WDR35: variants seen among roughly 807,000 people sequenced by gnomAD.
WDR35 encodes the protein WD repeat domain 35, also known as WD repeat-containing protein 35.
A neutral mutation model predicts 158.3 loss-of-function variants in WDR35; 118 were observed. The observed-to-expected ratio is 0.75, with a 90% CI of 0.64 to 0.87. WDR35 has a LOEUF of 0.87. Among genes scored for constraint, WDR35 ranks in the 40% least tolerant of loss-of-function variants. The pLI, the probability that WDR35 is intolerant of heterozygous loss-of-function variation, is 0.00. For synonymous variants in WDR35, 448 were observed against 476.1 expected, an observed-to-expected ratio of 0.94 and a Z score of 0.77; for missense variants, 1,263 against 1,405.8, an observed-to-expected ratio of 0.90 and a Z score of 1.62.
At chr2:19,938,550 G>C in intron 17 of WDR35, 149 bp from the exon 18 acceptor site, 1 of 1,111,112 alleles carries the variant, frequency 9.0e-7, no homozygotes, top group Non-Finnish European at 1.3e-6. Flanking sequence ...CTTCACGTTT[G>C]GGTCTTTTGA....
chr2:19,953,728 A>G, intron 12 of WDR35, 106 bp downstream of exon 12: 1 of 1,408,056 alleles, frequency 7.1e-7, no homozygotes, highest in Non-Finnish European at 9.9e-7. Flanking sequence ...AAACATTTCT[A>G]CTAATCAAGA....
At chr2:19,956,169 T>C (rs184467942) in intron 11 of WDR35, among the ~76,000 whole-genome samples, 2 of 152,362 alleles carry the variant, frequency 1.3e-5, no homozygotes, top group East Asian at 1.9e-4. Flanking sequence ...ACTCTAATGC[T>C]GGTAACTATT....
intron 10 of WDR35, among the ~76,000 whole-genome samples, chr2:19,961,193 C>T (rs1671638966): frequency 6.6e-6 from 1 of 152,018 alleles, no homozygotes; most frequent in Non-Finnish European, 1.5e-5. Flanking sequence ...TTTATGGGGA[C>T]AATGCCCTAA....
At chr2:19,942,501 T>C (rs1670909980) in intron 16 of WDR35, among the ~76,000 whole-genome samples, 1 of 151,868 alleles carries the variant, frequency 6.6e-6, no homozygotes, top group East Asian at 1.9e-4. Flanking sequence ...ATGCATATTA[T>C]AAAGTAGCTG....
chr2:19,969,699 A>G, intron 8 of WDR35, 94 bp from the exon 9 acceptor site: 1 of 1,358,242 alleles, frequency 7.4e-7, no homozygotes, highest in Admixed American at 2.1e-5. Context: ...AGTGGTATGA[A>G]CATTATTTTG....
rs1669898811 is a variant in WDR35, at chr2:19,913,542, A to G, written c.*16T>C. On this transcript the variant is annotated 3_prime_UTR_variant, in exon 27 of 27. Transcript: ENST00000281405. ...TGCTACATATATTTTACAGTTATAT[A>G]CAGTTTATCATTCCTTTATCCCACT... is the stretch of plus-strand genomic sequence containing the variant. 6.2e-7 allele frequency: 1 copy of G among 1,614,022 alleles called. No individual in the cohort carries two copies. The highest frequency in any genetic ancestry group is 1.6e-4 in the Middle Eastern group (1 of 6,062).
rs780723420 is a variant in WDR35 at position 19,960,611 on chromosome 2, C to G, written c.1198G>C (p.Val400Leu). 2 of 1,607,572 alleles carry G rather than the reference C, an allele frequency of 1.2e-6. No individual in the cohort carries two copies. Among genetic ancestry groups the G allele is most frequent in the Admixed American group, 3.3e-5 (2 of 59,908 alleles). Residue 400 changes from valine to leucine, a missense_variant, in exon 11 of 27, where the codon GTA becomes CTA. By Grantham distance (32) the Val-to-Leu change is conservative (BLOSUM62 1). Coordinates refer to ENST00000281405, the MANE Select transcript of WDR35 (RefSeq NM_020779.4). ...TKADENHPQF[V>L]LVLCNSIGTP... The stretch of plus-strand genomic sequence containing the variant: ...CCAATAGAATTACAAAGAACTAGTA[C>G]AAACTGTGAACAAATAAAACAAAAA...
intron 19 of WDR35, 69 bp downstream of exon 19, chr2:19,937,674 T>C (rs746766844): frequency 2.3e-5 from 37 of 1,598,664 alleles, no homozygotes; most frequent in Non-Finnish European, 2.9e-5. Context: ...TATTTATAGT[T>C]TCCATTTGTA....
At chr2:19,969,144 G>A (rs1671952798) in intron 9 of WDR35, among the ~76,000 whole-genome samples, 1 of 152,230 alleles carries the variant, frequency 6.6e-6, no homozygotes. Context: ...CCCAGGGCTG[G>A]TGATGGCTTC....
In WDR35 at chr2:19,935,519, C is replaced by G. The variant is rs1488313642; in HGVS notation, c.2499G>C (p.Gly833=). 6.2e-7 allele frequency: 1 copy of G among 1,613,140 alleles called. No homozygotes were observed. The highest frequency in any genetic ancestry group is 8.5e-7 in the Non-Finnish European group (1 of 1,179,562). The stretch of plus-strand genomic sequence containing the variant: ...GAAGTGAAATGGCAAGGTTCTCTAA[C>G]CCTTCATAATCCTCTAACATATAGT... ...ECYYMLEDYE[G]LENLAISLPE... The change falls in exon 21 of 27, where the codon GGG becomes GGC. Residue 833 remains glycine, a synonymous_variant. Coordinates refer to ENST00000281405, the MANE Select transcript of WDR35 (RefSeq NM_020779.4).
intron 11 of WDR35, among the ~76,000 whole-genome samples, chr2:19,955,232 G>A (rs1671389546): frequency 6.6e-6 from 1 of 152,138 alleles, no homozygotes; most frequent in Non-Finnish European, 1.5e-5. Context: ...TTACAGGCAT[G>A]AGCCACCCCG....
Position 19,930,435 on chromosome 2 carries a change from G to T in WDR35, c.3082C>A (p.Gln1028Lys). 1 of 1,614,098 alleles carries T rather than the reference G, an allele frequency of 6.2e-7. No individual in the cohort carries two copies. The highest frequency in any genetic ancestry group is 1.1e-5 in the South Asian group (1 of 91,084). ...AYHFFILAQR[Q>K]LYEGCVDTAL... The stretch of plus-strand genomic sequence containing the variant: ...GTGTCCACACATCCCTCATAGAGCT[G>T]CCTCTGTGCAAGTATAAAGAAGTGG... The change falls in exon 25 of 27, where the codon CAG becomes AAG. Residue 1028 changes from glutamine to lysine, a missense_variant. Coordinates refer to ENST00000281405, the MANE Select transcript of WDR35 (RefSeq NM_020779.4).
intron 25 of WDR35, among the ~76,000 whole-genome samples, chr2:19,929,115 T>C (rs943412622): frequency 4.6e-5 from 7 of 152,320 alleles, no homozygotes; most frequent in South Asian, 2.1e-4. Context: ...CTGAGGAAGA[T>C]ACTATTATCC....
At chr2:19,914,554 T>C (rs1338691192) in intron 25 of WDR35, among the ~76,000 whole-genome samples, 1 of 152,172 alleles carries the variant, frequency 6.6e-6, no homozygotes, top group African/African-American at 2.4e-5. Context: ...ACACAAAATT[T>C]TGGTGTCAAA....
rs1671064946 is a variant in WDR35 at position 19,946,623 on chromosome 2, AACT to A, written c.1525-56_1525-54del. The A allele has an allele frequency of 8.0e-6, 12 of 1,495,470 alleles. No homozygotes were observed. The Middle Eastern group carries it at 6.9e-4, about 86-fold the overall frequency. 92.6% of individuals were successfully genotyped at this position (1,495,470 alleles called of 1,614,324 possible). On this transcript the variant is annotated intron_variant, in intron 14 of 26. Transcript: ENST00000281405. ...GCATACGTGTATCATAATAATATTA[AACT>A]ACAACTATTTCTCTATATGTCTATA...
At chr2:19,915,919 TAA>T (rs4035119) in intron 25 of WDR35, among the ~76,000 whole-genome samples, 41,306 of 124,516 alleles carry the variant, frequency 0.33, 6,984 homozygotes, top group Middle Eastern at 0.46. Context: ...AGACTCCATC[TAA>T]AAAAAAAAAA....
chr2:19,958,959 A>G (rs1671540854), intron 11 of WDR35, among the ~76,000 whole-genome samples: 1 of 152,200 alleles, frequency 6.6e-6, no homozygotes, highest in Non-Finnish European at 1.5e-5. Context: ...AACAAAAATA[A>G]TAAATTCTAG....
rs140292171 is a variant in WDR35, at chr2:19,933,323, T to C, written c.2658+78A>G. The C allele has an allele frequency of 8.9e-5, 103 of 1,157,156 alleles. No individual in the cohort carries two copies. In the East Asian group the frequency reaches 2.2e-3, roughly 25 times the overall value. The allele number at this position is 1,157,156 out of a possible 1,614,324, so 71.7% of individuals were successfully genotyped here. Reference sequence around the variant, plus strand: ...TTGGCAATAATCTTTAAAAGATCACTAGGGTGACTTTAACCTTGCTTTGAC... The same window carrying C: ...TTGGCAATAATCTTTAAAAGATCACCAGGGTGACTTTAACCTTGCTTTGAC... On this transcript the variant is annotated intron_variant, in intron 22 of 26. Coordinates refer to ENST00000281405, the MANE Select transcript of WDR35 (RefSeq NM_020779.4).
rs542805349 is a variant in WDR35, at chr2:19,910,973, A to G, written c.*2585T>C. ...CACACGCACACAAAATTAGGTCCAC[A>G]AGGTATGAGAGGTTGTTTTTAGAGA... On this transcript the variant is annotated 3_prime_UTR_variant, in exon 27 of 27. Transcript: ENST00000281405. The G allele has an allele frequency of 6.6e-6, 1 of 152,310 alleles. No individual in the cohort carries two copies. The highest frequency in any genetic ancestry group is 2.1e-4 in the South Asian group (1 of 4,822). 9.4% of individuals were successfully genotyped at this position (152,310 alleles called of 1,614,324 possible). A position where few individuals can be genotyped will look rare whatever the true frequency, so the allele number is the denominator to read the frequency against.
Sources: allele counts gnomAD v4.1 joint callset (sites outside exome capture counted in the v4.1 genomes callset), GRCh38; gene constraint gnomAD v4.1.1; transcripts MANE v1.5; gene names NCBI Gene and HGNC (gene_info 2026-07-23, HGNC 2026-07-21).